The following NBAS variants were observed in gnomAD, a reference collection of about 807,000 sequenced individuals.
NBAS encodes the protein NAG/BC035112 fusion.
NBAS carries 219 observed loss-of-function variants against 302.5 expected under a neutral mutation model. That is an observed-to-expected ratio of 0.72 (90% confidence interval 0.65 to 0.81). The LOEUF (loss-of-function observed/expected upper bound fraction) is 0.81. Ranked by LOEUF, NBAS falls within the 30% of genes least tolerant of loss-of-function variation. The pLI is 0.00. For synonymous variants in NBAS, 1,118 were observed against 1,021.6 expected (o/e 1.09, Z -1.80); for missense variants, 2,932 against 2,841.6 (o/e 1.03, Z -0.72).
Position 15,308,198 on chromosome 2 carries a change from G to A in NBAS, c.4797+18C>T. 3 of 1,614,104 alleles carry A rather than the reference G, an allele frequency of 1.9e-6. No homozygotes were observed. The highest frequency in any genetic ancestry group is 2.5e-6 in the Non-Finnish European group (3 of 1,179,984). On this transcript the variant is annotated intron_variant, in intron 40 of 51. Coordinates refer to ENST00000281513, the MANE Select transcript of NBAS (RefSeq NM_015909.4). ...CTTAACTCTGCTCAATAATAAGCTG[G>A]AAATCATGAAGACTCACCCTGTAAA...
At chr2:15,109,821 CATAT>C in the NBAS span, among the ~76,000 whole-genome samples, 1 of 152,066 alleles carries the variant, frequency 6.6e-6, no homozygotes, top group Non-Finnish European at 1.5e-5. Flanking sequence ...AGGATTTCAA[CATAT>C]GAATTGTGGA....
At chr2:15,441,422 G>A (rs796233740) in intron 21 of NBAS, among the ~76,000 whole-genome samples, 1,894 of 151,824 alleles carry the variant, frequency 0.012, 23 homozygotes, top group East Asian at 0.059. Flanking sequence ...CATAAGTGAA[G>A]GAGAAATAAA....
rs1663053211 is a variant in NBAS, at chr2:15,528,655, G to A, written c.746+5888C>T. 6.7e-5 allele frequency among the ~76,000 whole-genome samples: 10 copies of A among 148,836 alleles called. No individual in the cohort carries two copies. In the South Asian group the frequency reaches 2.1e-3, roughly 31 times the overall value. On this transcript the variant is annotated intron_variant, in intron 9 of 51. Coordinates refer to ENST00000281513, the MANE Select transcript of NBAS (RefSeq NM_015909.4). Reference sequence around the variant, plus strand: ...GGCTGAGGCGGGAGGATGACCTGAGGTCAGGAGTTCAAGACCAGCATGGCC... The same window carrying A: ...GGCTGAGGCGGGAGGATGACCTGAGATCAGGAGTTCAAGACCAGCATGGCC...
chr2:15,183,059 T>A (rs1403590775), intron 50 of NBAS, among the ~76,000 whole-genome samples: 1 of 151,738 alleles, frequency 6.6e-6, no homozygotes, highest in Non-Finnish European at 1.5e-5. Context: ...AAAAAAAAAA[T>A]CATAAGTAAC....
intron 21 of NBAS, among the ~76,000 whole-genome samples, chr2:15,457,285 A>G (rs7601661): frequency 0.6 from 91,928 of 151,958 alleles, 28,799 homozygotes; most frequent in Non-Finnish European, 0.68. Context: ...ATTATTAAAA[A>G]GTCATTATTA....
chr2:15,145,549 G>T, the NBAS span, among the ~76,000 whole-genome samples: 1 of 152,006 alleles, frequency 6.6e-6, no homozygotes, highest in Non-Finnish European at 1.5e-5. Flanking sequence ...ACTCAGACCA[G>T]CACTGGCTGC....
chr2:14,904,472 C>T, the NBAS span, among the ~76,000 whole-genome samples: 28 of 152,300 alleles, frequency 1.8e-4, no homozygotes, highest in African/African-American at 6.5e-4. Context: ...GGCTGGAAGA[C>T]TCAGCAAGTC....
At chr2:15,554,275 C>T (rs1664538595) in intron 3 of NBAS, 137 bp from the exon 4 acceptor site, 6 of 764,682 alleles carry the variant, frequency 7.8e-6, no homozygotes, top group Non-Finnish European at 1.3e-5. Context: ...TTAGCAAACC[C>T]AAAACCCAAA....
the NBAS span, among the ~76,000 whole-genome samples, chr2:14,923,669 G>A: frequency 6.6e-5 from 10 of 152,226 alleles, no homozygotes; most frequent in African/African-American, 9.6e-5. Flanking sequence ...AAGACTCACA[G>A]TATGAAAGAG....
At chr2:15,162,197 G>C (rs186149338), downstream of NBAS, among the ~76,000 whole-genome samples, 2 of 152,154 alleles carry the variant, frequency 1.3e-5, no homozygotes, top group African/African-American at 4.8e-5. Flanking sequence ...CCCTGCCTCC[G>C]CAACAGGCGC....
the NBAS span, among the ~76,000 whole-genome samples, chr2:14,839,479 A>G: frequency 6.6e-6 from 1 of 152,052 alleles, no homozygotes; most frequent in African/African-American, 2.4e-5. Context: ...TAAAACTACC[A>G]TATCCAGCCT....
intron 40 of NBAS, among the ~76,000 whole-genome samples, chr2:15,298,755 C>T (rs963921942): frequency 6.6e-6 from 1 of 152,174 alleles, no homozygotes; most frequent in East Asian, 1.9e-4. Context: ...ATTCACTGCA[C>T]AAGTACACAA....
rs1484195693 is a variant in NBAS at position 15,167,531 on chromosome 2, C to A, written c.6841-208G>T. Among the ~76,000 whole-genome samples the A allele has an allele frequency of 3.3e-5, 5 of 152,116 alleles. No individual in the cohort carries two copies. In the East Asian group the frequency reaches 7.7e-4, roughly 23 times the overall value. On this transcript the variant is annotated intron_variant, in intron 51 of 51. Coordinates refer to ENST00000281513, the MANE Select transcript of NBAS (RefSeq NM_015909.4). ...CTCTTAACATAAGAAGACACAAGAA[C>A]CCCACTGCAATCATCACTACAGCTT...
the NBAS span, among the ~76,000 whole-genome samples, chr2:14,838,866 G>C: frequency 2.0e-5 from 3 of 151,966 alleles, no homozygotes; most frequent in African/African-American, 4.8e-5. Context: ...ATTGAATTTG[G>C]CAACTAGGAA....
chr2:14,974,898 G>C, the NBAS span, among the ~76,000 whole-genome samples: 1 of 152,176 alleles, frequency 6.6e-6, no homozygotes, highest in Non-Finnish European at 1.5e-5. Flanking sequence ...TTAAAGCAGA[G>C]AACTTTCTCT....
chr2:15,256,871 A>G (rs1277811441), intron 44 of NBAS, among the ~76,000 whole-genome samples: 1 of 152,150 alleles, frequency 6.6e-6, no homozygotes, highest in African/African-American at 2.4e-5. Context: ...ATTTACTTAC[A>G]TATGTTAATT....
chr2:14,904,851 C>T, the NBAS span, among the ~76,000 whole-genome samples: 45 of 152,278 alleles, frequency 3.0e-4, no homozygotes, highest in Admixed American at 1.8e-3. Context: ...AGATCGAGAC[C>T]ATCCTGGCTA....
the NBAS span, among the ~76,000 whole-genome samples, chr2:14,883,706 T>A: frequency 6.6e-6 from 1 of 152,076 alleles, no homozygotes; most frequent in Middle Eastern, 3.2e-3. Context: ...AGGTAATGAA[T>A]ACACCTGTAA....
At chr2:14,812,758 T>A in the NBAS span, among the ~76,000 whole-genome samples, 1 of 152,152 alleles carries the variant, frequency 6.6e-6, no homozygotes, top group Non-Finnish European at 1.5e-5. Flanking sequence ...AAGCCCCAGT[T>A]TGTGGCATAA....
Sources: gnomAD v4.1 joint callset for allele counts (sites outside exome capture counted in the v4.1 genomes callset) on GRCh38, gnomAD v4.1.1 for gene constraint, MANE v1.5 for transcripts, NCBI Gene and HGNC (gene_info 2026-07-23, HGNC 2026-07-21) for gene names.